MAPK10: variants seen among roughly 807,000 people sequenced by gnomAD.
MAPK10 encodes mitogen-activated protein kinase 10, also known as JNK3 alpha protein kinase.
Under a neutral mutation model 59.3 loss-of-function variants are expected in MAPK10, and 25 were observed. That is an observed-to-expected ratio of 0.42 (90% CI 0.31 to 0.59). The LOEUF (loss-of-function observed/expected upper bound fraction) is 0.59. Ranked by LOEUF, MAPK10 falls within the 20% of genes least tolerant of loss-of-function variation. The pLI is 0.15. For missense variants in MAPK10, 351 were observed against 568.9 expected (o/e 0.62, Z 3.90); for synonymous variants, 190 against 200.5 (o/e 0.95, Z 0.44).
intron 2 of MAPK10, among the ~76,000 whole-genome samples, chr4:86,322,489 A>G (rs767457713): frequency 6.6e-6 from 1 of 152,196 alleles, no homozygotes; most frequent in African/African-American, 2.4e-5. Flanking sequence ...CCTATAAAAA[A>G]GTCTAACATC....
intron 5 of MAPK10, among the ~76,000 whole-genome samples, chr4:86,105,406 G>A (rs1377309425): frequency 1.3e-5 from 2 of 152,050 alleles, no homozygotes; most frequent in African/African-American, 2.4e-5. Context: ...ACTGCAATCT[G>A]GAACTCTTTT....
chr4:86,062,408 T>G (rs1479957070), intron 11 of MAPK10, among the ~76,000 whole-genome samples: 1 of 152,104 alleles, frequency 6.6e-6, no homozygotes, highest in Admixed American at 6.6e-5. Flanking sequence ...TACAAAGAAG[T>G]TTTTCATAAA....
intron 1 of MAPK10, among the ~76,000 whole-genome samples, chr4:86,466,190 G>C (rs1752183967): frequency 6.6e-6 from 1 of 152,186 alleles, no homozygotes; most frequent in East Asian, 1.9e-4. Flanking sequence ...ATTGGACCCA[G>C]TTAGAAATAA....
chr4:86,423,996 TAGA>T (rs929073422), intron 1 of MAPK10, among the ~76,000 whole-genome samples: 6 of 152,000 alleles, frequency 3.9e-5, no homozygotes, highest in South Asian at 4.2e-4. Context: ...TATTCATATG[TAGA>T]AGAAGTGCCT....
In MAPK10 at chr4:86,189,128, G is replaced by C. The variant is rs2149303237; in HGVS notation, c.66+5208C>G. The stretch of plus-strand genomic sequence containing the variant: ...GTATTTGTTTTGGTACCAGCACCAT[G>C]CTGTTTTGGTTACTGTAGCCTTGTA... On this transcript the variant is annotated intron_variant, in intron 3 of 13. Coordinates refer to ENST00000641462, the MANE Select transcript of MAPK10 (RefSeq NM_138982.4). Among the ~76,000 whole-genome samples, 2 of 152,294 alleles carry C rather than the reference G, an allele frequency of 1.3e-5. 1 individual carries two copies. The highest frequency in any genetic ancestry group is 4.1e-4 in the South Asian group (2 of 4,828).
At chr4:86,047,827 A>G (rs967564274) in intron 11 of MAPK10, among the ~76,000 whole-genome samples, 13 of 152,172 alleles carry the variant, frequency 8.5e-5, no homozygotes, top group African/African-American at 3.1e-4. Context: ...GTGTTAGCTG[A>G]GGAATTATGT....
At chr4:86,018,198 A>G (rs549027073) in intron 13 of MAPK10, among the ~76,000 whole-genome samples, 1 of 152,310 alleles carries the variant, frequency 6.6e-6, no homozygotes, top group Non-Finnish European at 1.5e-5. Context: ...CCAGAAATAG[A>G]AGCTGAAGTG....
intron 4 of MAPK10, among the ~76,000 whole-genome samples, chr4:86,157,340 T>C (rs1044234154): frequency 6.6e-6 from 1 of 151,996 alleles, no homozygotes; most frequent in African/African-American, 2.4e-5. Flanking sequence ...CAAAATTACA[T>C]GCGGTGACAC....
At chr4:86,272,653 G>A (rs1027401282) in intron 2 of MAPK10, among the ~76,000 whole-genome samples, 1 of 151,778 alleles carries the variant, frequency 6.6e-6, no homozygotes, top group Non-Finnish European at 1.5e-5. Context: ...CATTGTTGTT[G>A]CTTAATGTAA....
intron 11 of MAPK10, among the ~76,000 whole-genome samples, chr4:86,053,751 G>A (rs1351780745): frequency 1.3e-5 from 2 of 151,968 alleles, no homozygotes; most frequent in African/African-American, 2.4e-5. Flanking sequence ...TTTTTTCCAG[G>A]ATGAAACATA....
At chr4:86,415,153 A>C (rs1355706654) in intron 1 of MAPK10, among the ~76,000 whole-genome samples, 1 of 151,806 alleles carries the variant, frequency 6.6e-6, no homozygotes, top group African/African-American at 2.4e-5. Flanking sequence ...AAAAAAAAAA[A>C]AAACTTCCAT....
chr4:86,447,085 CG>C (rs1750133795), intron 1 of MAPK10, among the ~76,000 whole-genome samples: 1 of 152,046 alleles, frequency 6.6e-6, no homozygotes, highest in African/African-American at 2.4e-5. Context: ...TATACTGATA[CG>C]GTTTGACTTT....
intron 2 of MAPK10, among the ~76,000 whole-genome samples, chr4:86,210,191 GA>G (rs896244719): frequency 9.2e-5 from 14 of 151,928 alleles, no homozygotes; most frequent in African/African-American, 3.1e-4. Flanking sequence ...AAATTTTGGG[GA>G]AACTCTCCAG....
At chr4:86,366,990 C>T (rs1388438463) in intron 1 of MAPK10, among the ~76,000 whole-genome samples, 1 of 152,124 alleles carries the variant, frequency 6.6e-6, no homozygotes, top group African/African-American at 2.4e-5. Context: ...AGCTGGCCAT[C>T]CTATCCTATA....
At chr4:86,462,192 C>A (rs151234323) in intron 1 of MAPK10, among the ~76,000 whole-genome samples, 8,344 of 152,210 alleles carry the variant, frequency 0.055, 322 homozygotes, top group African/African-American at 0.084. Context: ...GTCTGTGGAC[C>A]CTTGCCAGCG....
At chr4:86,594,013 A>T (rs1763333110) in exon 1 of MAPK10, 1 of 152,244 alleles carries the variant, frequency 6.6e-6, no homozygotes, top group Non-Finnish European at 1.5e-5. Flanking sequence ...TAAAAGTTGG[A>T]GTTCACCACA....
chr4:86,351,082 A>C (rs754047596), intron 2 of MAPK10, among the ~76,000 whole-genome samples: 2 of 152,142 alleles, frequency 1.3e-5, no homozygotes, highest in African/African-American at 4.8e-5. Flanking sequence ...CTTTAAAAAA[A>C]AGTGAAGATT....
rs1321962798 is a variant in MAPK10 at position 86,276,514 on chromosome 4, G to A, written c.-7+78016C>T. ...AGAACAGTGCAAAGATAGATAAGCA[G>A]TCACTGGGAAGATTATCAAAATTAG... On this transcript the variant is annotated intron_variant, in intron 2 of 13. Coordinates refer to ENST00000641462, the MANE Select transcript of MAPK10 (RefSeq NM_138982.4). Among the ~76,000 whole-genome samples, 2 of 152,160 alleles carry A rather than the reference G, an allele frequency of 1.3e-5. 1 individual carries two copies. Among genetic ancestry groups the A allele is most frequent in the African/African-American group, 4.8e-5 (2 of 41,448 alleles).
intron 1 of MAPK10, among the ~76,000 whole-genome samples, chr4:86,574,578 A>T (rs1443910390): frequency 6.6e-6 from 1 of 152,136 alleles, no homozygotes; most frequent in Non-Finnish European, 1.5e-5. Flanking sequence ...TTGTTTCCTG[A>T]CTTTTTAATG....
Sources: allele counts gnomAD v4.1 joint callset (sites outside exome capture counted in the v4.1 genomes callset), GRCh38; gene constraint gnomAD v4.1.1; transcripts MANE v1.5; gene names NCBI Gene and HGNC (gene_info 2026-07-23, HGNC 2026-07-21).